Variants in NEXMIF observed in about 807,000 individuals in gnomAD.
The protein encoded by NEXMIF is XLMR protein related to neurite extension.
A neutral mutation model predicts 62.1 loss-of-function variants in NEXMIF; 8 were observed. The ratio of observed to expected loss-of-function variants is 0.13; its 90% CI spans 0.08 to 0.23. The LOEUF (loss-of-function observed/expected upper bound fraction) is 0.23. NEXMIF is among the 10% of genes least tolerant of loss of function. The pLI, the probability that NEXMIF is intolerant of heterozygous loss-of-function variation, is 1.00. For synonymous variants in NEXMIF, 404 were observed against 416.6 expected (o/e 0.97, Z 0.37); for missense variants, 976 against 1,113.3 (o/e 0.88, Z 1.75).
In NEXMIF at chrX:74,739,234, G is replaced by A. The variant is rs774773216; in HGVS notation, c.*171C>T. 63 of 378,194 alleles carry A rather than the reference G, an allele frequency of 1.7e-4. No individual in the cohort carries two copies. The highest frequency in any genetic ancestry group is 2.6e-4 in the Non-Finnish European group (58 of 221,797). 31.2% of individuals were successfully genotyped at this position (378,194 alleles called of 1,213,427 possible). On this transcript the variant is annotated 3_prime_UTR_variant, in exon 4 of 4. Transcript: ENST00000055682. ...TCAATTTTTTCCTTGTGGGTAAATA[G>A]TGCATAAACTACTTGTGCAACTGTA...
intron 1 of NEXMIF, among the ~76,000 whole-genome samples, chrX:74,921,425 C>T (rs1214528386): frequency 8.9e-6 from 1 of 112,214 alleles, no homozygotes; most frequent in Non-Finnish European, 1.9e-5. Context: ...CACGAATGTT[C>T]ACCTCTGCCT....
At chrX:74,779,535 C>T (rs2080239454) in intron 1 of NEXMIF, among the ~76,000 whole-genome samples, 1 of 111,445 alleles carries the variant, frequency 9.0e-6, no homozygotes, top group African/African-American at 3.3e-5. Flanking sequence ...TCTATCATAC[C>T]TCAGCAGTCT....
intron 1 of NEXMIF, among the ~76,000 whole-genome samples, chrX:74,806,998 T>A (rs950365763): frequency 8.9e-6 from 1 of 112,488 alleles, no homozygotes; most frequent in Non-Finnish European, 1.9e-5. Flanking sequence ...ATTTTGTTTT[T>A]CCTCTTCAAC....
intron 1 of NEXMIF, among the ~76,000 whole-genome samples, chrX:74,921,559 T>C (rs2080827213): frequency 9.0e-6 from 1 of 111,284 alleles, no homozygotes. Flanking sequence ...ACGTAGTAGG[T>C]GTATATATTC....
At chrX:74,898,102 G>T (rs1346011308) in intron 1 of NEXMIF, among the ~76,000 whole-genome samples, 1 of 111,644 alleles carries the variant, frequency 9.0e-6, no homozygotes, top group Non-Finnish European at 1.9e-5. Flanking sequence ...AGTATGAACT[G>T]CCCAAAGTGA....
In NEXMIF at chrX:74,850,784, A is replaced by G. The variant is rs1463809856; in HGVS notation, c.-48+74099T>C. Among the ~76,000 whole-genome samples, 193 of 111,291 alleles carry G rather than the reference A, an allele frequency of 1.7e-3. 1 individual carries two copies. The highest frequency in any genetic ancestry group is 6.2e-3 in the African/African-American group (189 of 30,627). ...CAACTGGCACACCAGATGTGCAGAT[A>G]TCAATGGAGGGACACAAGAAACATG... is the stretch of plus-strand genomic sequence containing the variant. On this transcript the variant is annotated intron_variant, in intron 1 of 3. Coordinates refer to ENST00000055682, the MANE Select transcript of NEXMIF (RefSeq NM_001008537.3).
chrX:74,853,622 A>T (rs2080523722), intron 1 of NEXMIF, among the ~76,000 whole-genome samples: 1 of 110,991 alleles, frequency 9.0e-6, no homozygotes, highest in Non-Finnish European at 1.9e-5. Flanking sequence ...TTTATTAAAG[A>T]AAAATTACAC....
At chrX:74,830,892 T>G (rs779649043) in intron 1 of NEXMIF, among the ~76,000 whole-genome samples, 1 of 112,218 alleles carries the variant, frequency 8.9e-6, no homozygotes, top group Non-Finnish European at 1.9e-5. Context: ...GATTTTTGTA[T>G]GTTGATTTGG....
At chrX:74,787,104 CA>C (rs766388500) in intron 1 of NEXMIF, among the ~76,000 whole-genome samples, 617 of 31,741 alleles carry the variant, frequency 0.019, 6 homozygotes, top group African/African-American at 0.052. Flanking sequence ...ACCAAAAATA[CA>C]AAAAAAAAAA....
At chrX:74,808,786 C>A (rs1300751697) in intron 1 of NEXMIF, among the ~76,000 whole-genome samples, 1 of 111,926 alleles carries the variant, frequency 8.9e-6, no homozygotes, top group Non-Finnish European at 1.9e-5. Context: ...CATTCCAAAG[C>A]TATCTCACCT....
In NEXMIF at chrX:74,743,462, C is replaced by T; in HGVS notation, c.1095G>A (p.Lys365=). The change falls in exon 3 of 4, where the codon AAG becomes AAA. Residue 365 remains lysine, a synonymous_variant. Transcript: ENST00000055682. ...LKQSSDFSQF[K]VPDVSIIWGE... ...CCCAGATGATGCTCACATCAGGGAC[C>T]TTGAATTGGGAAAAATCACTGCTCT... is the stretch of plus-strand genomic sequence containing the variant. 17 of 1,211,571 alleles carry T rather than the reference C, an allele frequency of 1.4e-5. No individual in the cohort carries two copies. Among genetic ancestry groups the T allele is most frequent in the Non-Finnish European group, 1.8e-5 (16 of 895,491 alleles).
Position 74,743,648 on chromosome X carries a change from T to C in NEXMIF, c.909A>G (p.Leu303=). 3 of 1,209,358 alleles carry C rather than the reference T, an allele frequency of 2.5e-6. No individual in the cohort carries two copies. Among genetic ancestry groups the C allele is most frequent in the Non-Finnish European group, 3.4e-6 (3 of 893,139 alleles). The change falls in exon 3 of 4, where the codon CTA becomes CTG. Residue 303 remains leucine, a synonymous_variant. Transcript: ENST00000055682. ...NYMFDDDEST[L]GSDVCSLKIR... ...TTTTCAGGGAGCAGACATCACTGCC[T>C]AGTGTTGATTCATCATCATCAAACA...
intron 1 of NEXMIF, among the ~76,000 whole-genome samples, chrX:74,890,279 C>T (rs887689185): frequency 1.5e-4 from 17 of 110,657 alleles, no homozygotes; most frequent in African/African-American, 5.3e-4. Flanking sequence ...ACTTTATAGA[C>T]AGTATTAAAA....
At chrX:74,765,419 T>A (rs1246636212) in intron 1 of NEXMIF, among the ~76,000 whole-genome samples, 2 of 111,856 alleles carry the variant, frequency 1.8e-5, no homozygotes, top group African/African-American at 3.3e-5. Flanking sequence ...ATTTATCCCA[T>A]TTACATTCAA....
At chrX:74,815,920 C>T (rs1272079918) in intron 1 of NEXMIF, among the ~76,000 whole-genome samples, 1 of 111,309 alleles carries the variant, frequency 9.0e-6, no homozygotes, top group Non-Finnish European at 1.9e-5. Context: ...AGGCAGGAAC[C>T]ACCGTGCCTG....
At chrX:74,882,054 C>T (rs1323744277) in intron 1 of NEXMIF, among the ~76,000 whole-genome samples, 1 of 112,028 alleles carries the variant, frequency 8.9e-6, no homozygotes, top group Non-Finnish European at 1.9e-5. Context: ...CACACTTCCT[C>T]TCTCAGCAAA....
chrX:74,802,914 G>A (rs896737095), intron 1 of NEXMIF, among the ~76,000 whole-genome samples: 12 of 110,026 alleles, frequency 1.1e-4, no homozygotes, highest in Admixed American at 2.9e-4. Context: ...AAATGGAACC[G>A]GCATACTGAA....
At position 74,794,900 on chromosome X, in the gene NEXMIF, T is replaced by C. The variant is rs758413446; in HGVS notation, c.-47-49203A>G. Among the ~76,000 whole-genome samples the C allele has an allele frequency of 3.5e-3, 386 of 111,803 alleles. 2 individuals are homozygous for C. The highest frequency in any genetic ancestry group is 0.012 in the African/African-American group (368 of 30,771). On this transcript the variant is annotated intron_variant, in intron 1 of 3. Transcript: ENST00000055682. ...CTGGCACTCCCTAGTGAGATGAACC[T>C]GGTACCTCAGATGGAAATGCAGAAA...
chrX:74,830,895 T>G (rs2080434148), intron 1 of NEXMIF, among the ~76,000 whole-genome samples: 1 of 112,149 alleles, frequency 8.9e-6, no homozygotes, highest in South Asian at 3.8e-4. Context: ...TTTTGTATGT[T>G]GATTTGGTAT....
Sources: allele counts gnomAD v4.1 joint callset (sites outside exome capture counted in the v4.1 genomes callset), GRCh38; gene constraint gnomAD v4.1.1; transcripts MANE v1.5; gene names NCBI Gene and HGNC (gene_info 2026-07-23, HGNC 2026-07-21).